Variants in RNF111 observed in about 807,000 individuals in gnomAD.
RNF111 encodes the protein ring finger protein 111.
RNF111 carries 17 observed loss-of-function variants against 95.1 expected under a neutral mutation model. The ratio of observed to expected loss-of-function variants is 0.18; its 90% CI spans 0.12 to 0.27. The LOEUF is 0.27. RNF111 is among the 10% of genes least tolerant of loss of function. RNF111 has a pLI of 1.00. For synonymous variants in RNF111, 440 were observed against 414.8 expected (o/e 1.06, Z -0.74); for missense variants, 1,189 against 1,210.4 (o/e 0.98, Z 0.26).
intron 1 of RNF111, among the ~76,000 whole-genome samples, chr15:59,024,407 G>A (rs1302121753): frequency 2.6e-5 from 4 of 152,056 alleles, no homozygotes; most frequent in African/African-American, 9.7e-5. Context: ...TGCTTCCTTG[G>A]AACTTATATT....
At chr15:59,032,343 A>T (rs1280443657) in intron 2 of RNF111, among the ~76,000 whole-genome samples, 1 of 152,112 alleles carries the variant, frequency 6.6e-6, no homozygotes, top group African/African-American at 2.4e-5. Context: ...GACTGTTATG[A>T]ATACTTTTTC....
In RNF111 at chr15:59,052,327, G is replaced by A. The variant is rs1047289121; in HGVS notation, c.903G>A (p.Val301=). The stretch of plus-strand genomic sequence containing the variant: ...CAGGAAGTATTGATGAAGATGTTGT[G>A]GTGATAGAAGCTTCCTCCACTCCCC... The part of the protein sequence containing the change: ...VPSGSIDEDV[V]VIEASSTPQV... Residue 301 remains valine, a synonymous_variant, in exon 3 of 14, where the codon GTG becomes GTA. Transcript: ENST00000348370. 3.1e-6 allele frequency: 5 copies of A among 1,596,198 alleles called. No homozygotes were observed. In the Admixed American group the frequency reaches 5.3e-5, roughly 17 times the overall value.
intron 1 of RNF111, among the ~76,000 whole-genome samples, chr15:59,013,671 T>G (rs1219835618): frequency 6.6e-6 from 1 of 152,192 alleles, no homozygotes; most frequent in Non-Finnish European, 1.5e-5. Context: ...TACTTGAGAT[T>G]GGTGGGGGAG....
intron 1 of RNF111, among the ~76,000 whole-genome samples, chr15:59,021,366 G>A (rs982359180): frequency 3.3e-5 from 5 of 152,144 alleles, no homozygotes; most frequent in Non-Finnish European, 7.3e-5. Context: ...GGCCAGGCTG[G>A]TCTCGAACTC....
chr15:59,067,011 T>A lies in RNF111; in HGVS notation c.1614T>A (p.Pro538=). 1 of 1,614,138 alleles carries A rather than the reference T, an allele frequency of 6.2e-7. No homozygotes were observed. The highest frequency in any genetic ancestry group is 8.5e-7 in the Non-Finnish European group (1 of 1,180,012). Residue 538 remains proline (P), a synonymous_variant, in exon 6 of 14, where the codon CCT becomes CCA. Coordinates refer to ENST00000348370, the MANE Select transcript of RNF111 (RefSeq NM_017610.8). ...VSPSFSDPAC[P]VERPPQVQAP... ...CTTCCTTTAGTGATCCTGCTTGCCC[T>A]GTGGAAAGACCTCCACAAGTACAAG...
At chr15:59,003,686 G>C (rs1396957857) in intron 1 of RNF111, among the ~76,000 whole-genome samples, 3 of 152,228 alleles carry the variant, frequency 2.0e-5, no homozygotes, top group Non-Finnish European at 4.4e-5. Context: ...ACAGGTGTGA[G>C]CCACTGCACG....
chr15:59,014,307 C>T (rs1475201629), intron 1 of RNF111, among the ~76,000 whole-genome samples: 2 of 152,090 alleles, frequency 1.3e-5, no homozygotes, highest in African/African-American at 4.8e-5. Context: ...TGCCAAGAAA[C>T]CTTTGTTCTT....
chr15:59,055,918 A>C (rs1227408023), intron 4 of RNF111, 73 bp downstream of exon 4: 3 of 1,208,946 alleles, frequency 2.5e-6, no homozygotes, highest in South Asian at 1.8e-5. Context: ...TATGCTAGAA[A>C]CTCCTCCTGC....
chr15:59,072,342 A>T (rs2042967432), intron 6 of RNF111, among the ~76,000 whole-genome samples: 1 of 152,136 alleles, frequency 6.6e-6, no homozygotes, highest in South Asian at 2.1e-4. Context: ...TTCTTTCAGA[A>T]TTGGAATCAA....
chr15:59,028,158 G>A (rs1251435903), intron 1 of RNF111, among the ~76,000 whole-genome samples: 1 of 152,132 alleles, frequency 6.6e-6, no homozygotes, highest in African/African-American at 2.4e-5. Flanking sequence ...TGAATCCTCC[G>A]ATGATCCCCA....
Position 59,011,567 on chromosome 15 carries a change from G to T in RNF111, c.-19-19237G>T, listed in dbSNP as rs528589355. On this transcript the variant is annotated intron_variant, in intron 1 of 13. Coordinates refer to ENST00000348370, the MANE Select transcript of RNF111 (RefSeq NM_017610.8). ...AAGTCCAGTATTAAGGTATCAGCAG[G>T]TTTGGTTTTTCCTGAGGCCCCTCTT... Among the ~76,000 whole-genome samples, 5 of 152,252 alleles carry T rather than the reference G, an allele frequency of 3.3e-5. 1 individual carries two copies. The highest frequency in any genetic ancestry group is 9.6e-5 in the African/African-American group (4 of 41,550).
chr15:59,032,371 A>T (rs2040954158), intron 2 of RNF111, among the ~76,000 whole-genome samples: 1 of 152,048 alleles, frequency 6.6e-6, no homozygotes, highest in Non-Finnish European at 1.5e-5. Flanking sequence ...TGTATGATGG[A>T]TTCAGCCATA....
chr15:58,994,398 G>A (rs762930081), intron 1 of RNF111, among the ~76,000 whole-genome samples: 16 of 150,720 alleles, frequency 1.1e-4, no homozygotes, highest in Non-Finnish European at 2.2e-4. Flanking sequence ...AAATAGTACT[G>A]AGAACTCTTG....
chr15:59,061,390 G>A (rs879370681), intron 5 of RNF111, among the ~76,000 whole-genome samples: 4 of 152,008 alleles, frequency 2.6e-5, no homozygotes, highest in Non-Finnish European at 4.4e-5. Context: ...AAGTTCCTCC[G>A]TAAATTTATG....
intron 1 of RNF111, among the ~76,000 whole-genome samples, chr15:59,030,369 TTAA>T (rs2040843856): frequency 6.6e-6 from 1 of 152,154 alleles, no homozygotes; most frequent in African/African-American, 2.4e-5. Flanking sequence ...ACAGAAACAT[TTAA>T]TAATAACCAC....
intron 4 of RNF111, among the ~76,000 whole-genome samples, chr15:59,057,980 T>G (rs1166933119): frequency 6.6e-6 from 1 of 152,218 alleles, no homozygotes; most frequent in African/African-American, 2.4e-5. Context: ...ACAGTGTGGT[T>G]TGTAACACTG....
intron 1 of RNF111, among the ~76,000 whole-genome samples, chr15:59,010,949 C>G (rs2039772890): frequency 6.6e-6 from 1 of 152,094 alleles, no homozygotes; most frequent in Admixed American, 6.6e-5. Context: ...TTCATATGCT[C>G]AAAAGTGTCT....
intron 1 of RNF111, among the ~76,000 whole-genome samples, chr15:59,027,164 G>C (rs184246370): frequency 7.9e-5 from 12 of 152,256 alleles, no homozygotes; most frequent in African/African-American, 2.9e-4. Flanking sequence ...TTATCAACAT[G>C]AGGACTTAGT....
At position 59,076,168 on chromosome 15, in the gene RNF111, C is replaced by A; in HGVS notation, c.1901C>A (p.Pro634His). Residue 634 changes from proline to histidine, a missense_variant, in exon 7 of 14, where the codon CCT becomes CAT. Pro to His is a moderately conservative substitution (Grantham distance 77). Coordinates refer to ENST00000348370, the MANE Select transcript of RNF111 (RefSeq NM_017610.8). Reference sequence around the variant, plus strand: ...GTTGCGCAGCCCCAGCCCCAGCCCCCTCCACAGCCCTCTCTCTCATCATGT... The same window carrying A: ...GTTGCGCAGCCCCAGCCCCAGCCCCATCCACAGCCCTCTCTCTCATCATGT... ...SMVAQPQPQP[P>H]PQPSLSSCRH... 1 of 1,613,844 alleles carries A rather than the reference C, an allele frequency of 6.2e-7. No individual in the cohort carries two copies. The highest frequency in any genetic ancestry group is 1.1e-5 in the South Asian group (1 of 91,082).
Sources: gnomAD v4.1 joint callset for allele counts (sites outside exome capture counted in the v4.1 genomes callset) on GRCh38, gnomAD v4.1.1 for gene constraint, MANE v1.5 for transcripts, NCBI Gene and HGNC (gene_info 2026-07-23, HGNC 2026-07-21) for gene names.